Variants in GRIP1 observed in about 807,000 individuals in gnomAD.
GRIP1 encodes glutamate receptor interacting protein 1, also known as glutamate receptor-interacting protein 1.
GRIP1 carries 45 observed loss-of-function variants against 129.9 expected under a neutral mutation model. That is an observed-to-expected ratio of 0.35 (90% CI 0.27 to 0.44). The LOEUF is 0.44. Among genes scored for constraint, GRIP1 ranks in the 20% least tolerant of loss-of-function variants. GRIP1 has a pLI of 1.00. For missense variants in GRIP1, 1,196 were observed against 1,396.8 expected (o/e 0.86, Z 2.29); for synonymous variants, 530 against 520.8 (o/e 1.02, Z -0.24).
intron 15 of GRIP1, among the ~76,000 whole-genome samples, chr12:66,414,993 T>TATAAAATAAAA (rs1282938491): frequency 1.0e-5 from 1 of 99,120 alleles, no homozygotes; most frequent in East Asian, 3.0e-4. Flanking sequence ...ATAAAATGGA[T>TATAAAATAAAA]TAAAGACTTA....
chr12:66,689,115 C>A (rs1185031610), intron 1 of GRIP1, among the ~76,000 whole-genome samples: 1 of 152,188 alleles, frequency 6.6e-6, no homozygotes, highest in Non-Finnish European at 1.5e-5. Flanking sequence ...ACCAGACGAC[C>A]AAATTGAGGC....
At chr12:66,893,388 C>T (rs1244504961) in intron 1 of GRIP1, among the ~76,000 whole-genome samples, 1 of 152,106 alleles carries the variant, frequency 6.6e-6, no homozygotes, top group Non-Finnish European at 1.5e-5. Flanking sequence ...TACAGGTATA[C>T]ACCACCACAC....
chr12:66,666,415 G>A (rs2033798917), intron 1 of GRIP1, among the ~76,000 whole-genome samples: 1 of 151,988 alleles, frequency 6.6e-6, no homozygotes, highest in South Asian at 2.1e-4. Context: ...TCCAGCTTTT[G>A]TCCCCCTTAG....
chr12:66,429,052 AG>A (rs1165846719), intron 14 of GRIP1, among the ~76,000 whole-genome samples: 1 of 152,226 alleles, frequency 6.6e-6, no homozygotes, highest in Non-Finnish European at 1.5e-5. Flanking sequence ...CATCAATAAA[AG>A]CAATGCCTGG....
At chr12:66,502,639 T>C (rs1234102764) in intron 7 of GRIP1, among the ~76,000 whole-genome samples, 1 of 152,102 alleles carries the variant, frequency 6.6e-6, no homozygotes, top group Non-Finnish European at 1.5e-5. Context: ...AATTGTGTGG[T>C]ACCCTCTCCT....
At chr12:66,859,138 T>C (rs1013724094) in intron 1 of GRIP1, among the ~76,000 whole-genome samples, 9 of 151,802 alleles carry the variant, frequency 5.9e-5, no homozygotes, top group Admixed American at 2.6e-4. Flanking sequence ...GAATTCACCA[T>C]TGATATCAGC....
chr12:66,987,896 G>C (rs2042336243), intron 1 of GRIP1, among the ~76,000 whole-genome samples: 1 of 152,162 alleles, frequency 6.6e-6, no homozygotes, highest in African/African-American at 2.4e-5. Context: ...GCAAAAGCCT[G>C]GGAAAGCCAC....
At chr12:66,416,474 T>C (rs2057608197) in intron 15 of GRIP1, among the ~76,000 whole-genome samples, 1 of 152,000 alleles carries the variant, frequency 6.6e-6, no homozygotes, top group African/African-American at 2.4e-5. Flanking sequence ...CAAAATGTTT[T>C]TAAAAAGGTG....
intron 1 of GRIP1, among the ~76,000 whole-genome samples, chr12:66,843,784 C>T (rs1485317547): frequency 6.8e-6 from 1 of 146,686 alleles, no homozygotes; most frequent in African/African-American, 2.4e-5. Flanking sequence ...TTACCTTACA[C>T]CATATATAAA....
At chr12:66,932,835 AT>A (rs1384984786) in intron 1 of GRIP1, among the ~76,000 whole-genome samples, 3 of 151,864 alleles carry the variant, frequency 2.0e-5, no homozygotes, top group Non-Finnish European at 4.4e-5. Context: ...CGCCCAGCTA[AT>A]TTTTGTGTTT....
At chr12:66,511,855 G>A (rs2060708258) in intron 7 of GRIP1, among the ~76,000 whole-genome samples, 1 of 152,076 alleles carries the variant, frequency 6.6e-6, no homozygotes, top group African/African-American at 2.4e-5. Flanking sequence ...TCCCTCCTTA[G>A]GCTAGTTGAT....
chr12:66,390,448 A>G (rs1463088770), intron 19 of GRIP1, among the ~76,000 whole-genome samples: 1 of 152,174 alleles, frequency 6.6e-6, no homozygotes, highest in African/African-American at 2.4e-5. Flanking sequence ...AAATGTCTAA[A>G]TTATAAATGC....
intron 1 of GRIP1, among the ~76,000 whole-genome samples, chr12:66,749,116 C>T (rs747838565): frequency 2.0e-5 from 3 of 152,144 alleles, no homozygotes; most frequent in Admixed American, 2.0e-4. Context: ...TTATAGAACC[C>T]CTGATTTTAG....
intron 1 of GRIP1, among the ~76,000 whole-genome samples, chr12:66,765,564 G>A (rs2037611149): frequency 6.6e-6 from 1 of 152,174 alleles, no homozygotes; most frequent in Non-Finnish European, 1.5e-5. Flanking sequence ...TCTCATCTGT[G>A]GGTTGGGATA....
At chr12:66,360,019 A>C (rs961855665) in intron 23 of GRIP1, among the ~76,000 whole-genome samples, 2 of 152,208 alleles carry the variant, frequency 1.3e-5, no homozygotes, top group African/African-American at 4.8e-5. Flanking sequence ...TTTTGATCTT[A>C]CAACACCTCT....
intron 1 of GRIP1, among the ~76,000 whole-genome samples, chr12:66,745,803 G>A (rs942248320): frequency 2.8e-4 from 42 of 152,130 alleles, no homozygotes; most frequent in Non-Finnish European, 5.6e-4. Flanking sequence ...AGGGCACAGA[G>A]GTGTCCCAGA....
At chr12:66,581,527 A>T (rs1276481133) in intron 2 of GRIP1, among the ~76,000 whole-genome samples, 1 of 136,192 alleles carries the variant, frequency 7.3e-6, no homozygotes, top group Non-Finnish European at 1.6e-5. Flanking sequence ...TAAAGAAAAA[A>T]AGAGAGAAGA....
At chr12:66,562,848 T>TA (rs1451967240) in intron 2 of GRIP1, among the ~76,000 whole-genome samples, 2 of 151,574 alleles carry the variant, frequency 1.3e-5, no homozygotes, top group African/African-American at 4.9e-5. Flanking sequence ...CATAAACACA[T>TA]ATTGTGTATG....
chr12:66,818,319 T>A (rs2039259993), intron 1 of GRIP1, among the ~76,000 whole-genome samples: 1 of 152,204 alleles, frequency 6.6e-6, no homozygotes, highest in South Asian at 2.1e-4. Context: ...GCTGCCAAGT[T>A]CATAATGGTA....
Sources: allele counts gnomAD v4.1 joint callset (sites outside exome capture counted in the v4.1 genomes callset), GRCh38; gene constraint gnomAD v4.1.1; transcripts MANE v1.5; gene names NCBI Gene and HGNC (gene_info 2026-07-23, HGNC 2026-07-21).